RELN: variants seen among roughly 807,000 people sequenced by gnomAD.
RELN encodes the protein reelin.
Under a neutral mutation model 427.6 loss-of-function variants are expected in RELN, and 108 were observed. That is an observed-to-expected ratio of 0.25 (90% CI 0.22 to 0.30). The LOEUF is 0.30. Ranked by LOEUF, RELN falls within the 10% of genes least tolerant of loss-of-function variation. The pLI, the probability that RELN is intolerant of heterozygous loss-of-function variation, is 1.00. For missense variants in RELN, 3,715 were observed against 4,302.8 expected (o/e 0.86, Z 3.82); for synonymous variants, 1,524 against 1,513.4 (o/e 1.01, Z -0.16).
chr7:103,601,846 T>C (rs1286148263), intron 24 of RELN, among the ~76,000 whole-genome samples: 3 of 152,202 alleles, frequency 2.0e-5, no homozygotes, highest in Non-Finnish European at 4.4e-5. Context: ...GTGATTCTGG[T>C]TGGCACCTCA....
intron 27 of RELN, among the ~76,000 whole-genome samples, chr7:103,590,901 T>A (rs1464743308): frequency 6.6e-6 from 1 of 152,232 alleles, no homozygotes; most frequent in African/African-American, 2.4e-5. Flanking sequence ...ATACATAGCG[T>A]TGCAGAGAAT....
chr7:103,741,439 G>A (rs1318204631), intron 6 of RELN, among the ~76,000 whole-genome samples: 3 of 151,758 alleles, frequency 2.0e-5, no homozygotes, highest in Non-Finnish European at 4.4e-5. Context: ...GGAAGACTTG[G>A]GGACTCAGTT....
chr7:103,478,985 C>T (rs1479985760), intron 63 of RELN, among the ~76,000 whole-genome samples: 1 of 152,072 alleles, frequency 6.6e-6, no homozygotes, highest in East Asian at 1.9e-4. Context: ...CTTTTAAGAC[C>T]ATAGTTAGCA....
chr7:103,847,035 G>C (rs1016231960), intron 2 of RELN, among the ~76,000 whole-genome samples: 1 of 152,198 alleles, frequency 6.6e-6, no homozygotes, highest in Non-Finnish European at 1.5e-5. Context: ...TCTAGAAACA[G>C]AAATACCATT....
At chr7:103,753,382 G>A (rs1791055348) in intron 4 of RELN, among the ~76,000 whole-genome samples, 168 bp from the exon 5 acceptor site, 1 of 152,092 alleles carries the variant, frequency 6.6e-6, no homozygotes. Flanking sequence ...AAAAATAGAA[G>A]ACAATAAATT....
rs182139983 is a variant in RELN at position 103,719,334 on chromosome 7, G to A, written c.805+3806C>T. 9.7e-4 allele frequency among the ~76,000 whole-genome samples: 147 copies of A among 152,144 alleles called. 1 individual carries two copies. Among genetic ancestry groups the A allele is most frequent in the African/African-American group, 3.5e-3 (144 of 41,508 alleles). On this transcript the variant is annotated intron_variant, in intron 8 of 64. Transcript: ENST00000428762. ...CTTTCCCTGTCCTTTCAAGTGACTT[G>A]GGTTGTTGGCAGGGATTCTCCTTCC...
chr7:103,695,239 C>T (rs889984310), intron 10 of RELN, among the ~76,000 whole-genome samples: 8 of 151,744 alleles, frequency 5.3e-5, no homozygotes, highest in Non-Finnish European at 1.2e-4. Context: ...ATGGTGGAAC[C>T]AAAAAACAAA....
intron 2 of RELN, among the ~76,000 whole-genome samples, chr7:103,857,824 T>C (rs929150347): frequency 1.3e-5 from 2 of 152,174 alleles, no homozygotes; most frequent in African/African-American, 4.8e-5. Flanking sequence ...TGCTAATCAG[T>C]TGTCCTACTC....
chr7:103,882,057 C>T (rs751473388), intron 2 of RELN, among the ~76,000 whole-genome samples: 1 of 152,146 alleles, frequency 6.6e-6, no homozygotes, highest in Non-Finnish European at 1.5e-5. Context: ...CCAAAGCTCC[C>T]TAAATGTATT....
At chr7:103,556,473 CTTG>C (rs2117166451) in intron 38 of RELN, among the ~76,000 whole-genome samples, 2 of 151,840 alleles carry the variant, frequency 1.3e-5, no homozygotes, top group South Asian at 4.2e-4. Flanking sequence ...TTTATTGAGA[CTTG>C]TTGATACGGT....
intron 1 of RELN, among the ~76,000 whole-genome samples, chr7:103,986,930 C>CTGTGTGTGTGTGTGTG (rs68023932): frequency 6.7e-6 from 1 of 148,958 alleles, no homozygotes; most frequent in Non-Finnish European, 1.5e-5. Context: ...CTAACAGAAG[C>CTGTGTGTGTGTGTGTG]TGTGTGTGTG....
chr7:103,880,871 GTT>G, intron 2 of RELN, among the ~76,000 whole-genome samples: 1 of 151,932 alleles, frequency 6.6e-6, no homozygotes, highest in Admixed American at 6.6e-5. Flanking sequence ...TTTTTTTCTA[GTT>G]TTTGTAAAGA....
chr7:103,821,341 A>C (rs1196645290), intron 3 of RELN, among the ~76,000 whole-genome samples: 1 of 152,170 alleles, frequency 6.6e-6, no homozygotes, highest in African/African-American at 2.4e-5. Context: ...ATCTCTTTCC[A>C]GGCAGATGCT....
chr7:103,959,158 G>A (rs1796497483), intron 1 of RELN, among the ~76,000 whole-genome samples: 1 of 152,092 alleles, frequency 6.6e-6, no homozygotes, highest in African/African-American at 2.4e-5. Flanking sequence ...GGCCAGGCTG[G>A]TCTCGAATTC....
At chr7:103,818,703 A>G (rs572395304) in intron 3 of RELN, among the ~76,000 whole-genome samples, 102 of 152,296 alleles carry the variant, frequency 6.7e-4, no homozygotes, top group African/African-American at 2.4e-3. Flanking sequence ...TCCAGAAATA[A>G]GAGACTGATT....
chr7:103,801,282 A>G (rs1240358461), intron 3 of RELN, among the ~76,000 whole-genome samples: 1 of 152,180 alleles, frequency 6.6e-6, no homozygotes, highest in East Asian at 1.9e-4. Flanking sequence ...ACATGCACAC[A>G]TATGTTTATT....
chr7:103,920,566 G>GTTTTTTTTT lies in RELN; in HGVS notation c.227-3382_227-3381insAAAAAAAAA, dbSNP rs1563092030. Among the ~76,000 whole-genome samples, 22 of 114,674 alleles carry GTTTTTTTTT rather than the reference G, an allele frequency of 1.9e-4. 1 individual carries two copies. The highest frequency in any genetic ancestry group is 8.8e-4 in the African/African-American group (19 of 21,548). The allele number at this position is 114,674 out of a possible 152,430, so 75.2% of individuals were successfully genotyped here. ...ACACATGTTTGTTGTACCAGTCTTT[G>GTTTTTTTTT]GTTTTTTTTTTTGTTTTTTTTTTTT... On this transcript the variant is annotated intron_variant, in intron 1 of 64. Transcript: ENST00000428762.
At chr7:103,643,642 G>T (rs1439717909) in intron 16 of RELN, among the ~76,000 whole-genome samples, 1 of 151,950 alleles carries the variant, frequency 6.6e-6, no homozygotes, top group African/African-American at 2.4e-5. Flanking sequence ...AGATTAGCAT[G>T]AGAAAAATGT....
At chr7:103,632,791 A>G (rs538995839) in intron 19 of RELN, among the ~76,000 whole-genome samples, 120 of 151,044 alleles carry the variant, frequency 7.9e-4, no homozygotes, top group African/African-American at 2.9e-3. Flanking sequence ...GAGACCAAAT[A>G]TAAGATCAAA....
Sources: allele counts gnomAD v4.1 joint callset (sites outside exome capture counted in the v4.1 genomes callset), GRCh38; gene constraint gnomAD v4.1.1; transcripts MANE v1.5; gene names NCBI Gene and HGNC (gene_info 2026-07-23, HGNC 2026-07-21).